Variants in TG observed in about 807,000 individuals in gnomAD.
TG encodes thyroid hormones.
A neutral mutation model predicts 324.7 loss-of-function variants in TG; 270 were observed. The observed-to-expected ratio is 0.83, with a 90% CI of 0.75 to 0.92. TG has a LOEUF of 0.92. TG is among the 40% of genes least tolerant of loss of function. The pLI is 0.00. For missense variants in TG, 3,591 were observed against 3,456.4 expected, an observed-to-expected ratio of 1.04 and a Z score of -0.98; for synonymous variants, 1,401 against 1,327.0, an observed-to-expected ratio of 1.06 and a Z score of -1.21.
In TG at chr8:132,901,507, A is replaced by C; in HGVS notation, c.3588A>C (p.Glu1196Asp). The C allele has an allele frequency of 6.2e-7, 1 of 1,614,024 alleles. No homozygotes were observed. Among genetic ancestry groups the C allele is most frequent in the Non-Finnish European group, 8.5e-7 (1 of 1,180,036 alleles). The change falls in exon 16 of 48, where the codon GAA (glutamate) becomes GAC (aspartate). Residue 1196 changes from glutamate to aspartate, a missense_variant. Coordinates refer to ENST00000220616, the MANE Select transcript of TG (RefSeq NM_003235.5). ...GSCWCVMDSGEEVPGTRVTGG... is the reference protein window; with the variant it reads ...GSCWCVMDSGDEVPGTRVTGG... ...GCTGGTGTGTCATGGACAGCGGAGA[A>C]GAGGTGCCTGGGACGCGCGTGACCG...
chr8:133,038,824 C>T (rs1837584633), intron 41 of TG: 2 of 809,704 alleles, frequency 2.5e-6, no homozygotes, highest in African/African-American at 1.7e-5. Flanking sequence ...AGAATGAGAA[C>T]AGGAGGAAAA....
Position 132,886,791 on chromosome 8 carries a change from A to C in TG, c.1419A>C (p.Gly473=). 6.2e-7 allele frequency: 1 copy of C among 1,614,144 alleles called. No homozygotes were observed. The change falls in exon 9 of 48, where the codon GGA becomes GGC. Residue 473 remains glycine, a synonymous_variant. Coordinates refer to ENST00000220616, the MANE Select transcript of TG (RefSeq NM_003235.5). ...AGAGACTCCAGCAAAACCTTTTTGGAGGGAAATTTTTGGTGAATGTTGGCC... is the reference window on the plus strand; with the variant it reads ...AGAGACTCCAGCAAAACCTTTTTGGCGGGAAATTTTTGGTGAATGTTGGCC... ...NPKRLQQNLF[G]GKFLVNVGQF... is the part of the protein sequence containing the mutation.
chr8:133,055,363 G>GCACACACACACACACACA (rs1219639810), intron 41 of TG, among the ~76,000 whole-genome samples: 1 of 31,986 alleles, frequency 3.1e-5, no homozygotes, highest in East Asian at 4.7e-4. Flanking sequence ...ACACGCACGC[G>GCACACACACACACACACA]CGCACACACA....
chr8:133,017,882 A>G lies in TG; in HGVS notation c.6667A>G (p.Lys2223Glu). Reference protein sequence around the residue: ...SQAIQVGTSWKQVDQFLGVPY... With the variant: ...SQAIQVGTSWEQVDQFLGVPY... Reference sequence around the variant, plus strand: ...GGCCATCCAGGTGGGTACCTCATGGAAGCAAGTGGACCAGTTCCTTGGAGT... The same window carrying G: ...GGCCATCCAGGTGGGTACCTCATGGGAGCAAGTGGACCAGTTCCTTGGAGT... The change falls in exon 38 of 48, where the codon AAG becomes GAG. Residue 2223 changes from lysine to glutamate, a missense_variant. By Grantham distance (56) the Lys-to-Glu change is moderately conservative. Coordinates refer to ENST00000220616, the MANE Select transcript of TG (RefSeq NM_003235.5). 6.2e-7 allele frequency: 1 copy of G among 1,614,148 alleles called. No homozygotes were observed. Among genetic ancestry groups the G allele is most frequent in the Non-Finnish European group, 8.5e-7 (1 of 1,180,022 alleles).
At chr8:133,004,384 G>T (rs749937529) in intron 35 of TG, among the ~76,000 whole-genome samples, 2 of 152,216 alleles carry the variant, frequency 1.3e-5, no homozygotes, top group South Asian at 2.1e-4. Flanking sequence ...CACAGTTCCT[G>T]TGTCCTGCTG....
intron 42 of TG, 106 bp downstream of exon 42, chr8:133,095,314 G>C: frequency 6.7e-7 from 1 of 1,492,116 alleles, no homozygotes; most frequent in East Asian, 2.3e-5. Flanking sequence ...TACCACACAT[G>C]AGGCTGATGA....
At chr8:132,918,753 G>T (rs1209912153) in intron 20 of TG, among the ~76,000 whole-genome samples, 2 of 152,188 alleles carry the variant, frequency 1.3e-5, no homozygotes, top group Admixed American at 6.5e-5. Flanking sequence ...CTTATATGGA[G>T]ATGATAACTT....
At position 132,967,821 on chromosome 8, in the gene TG, A is replaced by C; in HGVS notation, c.5714A>C (p.Gln1905Pro). The C allele has an allele frequency of 6.2e-7, 1 of 1,613,892 alleles. No homozygotes were observed. The highest frequency in any genetic ancestry group is 1.3e-5 in the African/African-American group (1 of 75,018). Residue 1905 changes from glutamine to proline, a missense_variant, in exon 31 of 48, where the codon CAG becomes CCG. Transcript: ENST00000220616. Reference sequence around the variant, plus strand: ...TGTGTGCAGGAGCACTCTTTCTGTCAGCTCGCAGAGATAACAGAGAGTGCA... The same window carrying C: ...TGTGTGCAGGAGCACTCTTTCTGTCCGCTCGCAGAGATAACAGAGAGTGCA... The part of the protein sequence containing the change: ...SRCVQEHSFC[Q>P]LAEITESASL...
intron 25 of TG, among the ~76,000 whole-genome samples, chr8:132,940,489 A>G (rs529936233): frequency 6.6e-6 from 1 of 152,358 alleles, no homozygotes; most frequent in South Asian, 2.1e-4. Context: ...CCAATGGAAA[A>G]AAACATTAAC....
At chr8:132,946,027 A>C (rs990811112) in intron 26 of TG, among the ~76,000 whole-genome samples, 2 of 125,036 alleles carry the variant, frequency 1.6e-5, no homozygotes, top group African/African-American at 3.3e-5. Flanking sequence ...TTTAGATAGG[A>C]AAAATATGTT....
Position 132,887,549 on chromosome 8 carries a change from G to C in TG, c.2176+1G>C, listed in dbSNP as rs1483148769. 3 of 1,614,200 alleles carry C rather than the reference G, an allele frequency of 1.9e-6. No homozygotes were observed. Among genetic ancestry groups the C allele is most frequent in the Non-Finnish European group, 1.7e-6 (2 of 1,180,044 alleles). ...AGTGCAATAGGGAAGCCCAAGAAATGTAAGTCTGTTGGGTATTCAATCTGT... is the reference window on the plus strand; with the variant it reads ...AGTGCAATAGGGAAGCCCAAGAAATCTAAGTCTGTTGGGTATTCAATCTGT... On this transcript the variant is annotated splice_donor_variant, in intron 9 of 47. Transcript: ENST00000220616. LOFTEE classifies it high-confidence loss of function.
At chr8:132,912,383 T>A (rs1029045283) in intron 19 of TG, among the ~76,000 whole-genome samples, 2 of 152,128 alleles carry the variant, frequency 1.3e-5, no homozygotes, top group African/African-American at 2.4e-5. Context: ...GCAGCGAGAC[T>A]GTGATTGGAG....
intron 27 of TG, among the ~76,000 whole-genome samples, chr8:132,955,902 A>G (rs1305760707): frequency 6.6e-6 from 1 of 152,234 alleles, no homozygotes; most frequent in African/African-American, 2.4e-5. Context: ...CTCTGTGCCC[A>G]GACCCTCAAG....
At chr8:133,097,361 G>A (rs1482637384) in intron 43 of TG, among the ~76,000 whole-genome samples, 2 of 152,128 alleles carry the variant, frequency 1.3e-5, no homozygotes, top group Non-Finnish European at 2.9e-5. Flanking sequence ...GCATTGCATT[G>A]TTTATTGATT....
At chr8:132,946,324 T>A (rs1825288373) in intron 26 of TG, among the ~76,000 whole-genome samples, 1 of 152,350 alleles carries the variant, frequency 6.6e-6, no homozygotes, top group South Asian at 2.1e-4. Flanking sequence ...TATTTCTGGC[T>A]GGCAGCTTGC....
At chr8:132,955,579 G>T (rs885195) in intron 27 of TG, among the ~76,000 whole-genome samples, 46,401 of 152,070 alleles carry the variant, frequency 0.31, 9,380 homozygotes, top group African/African-American at 0.57. Context: ...TGTTTTGAAT[G>T]CTATGAATCT....
intron 10 of TG, among the ~76,000 whole-genome samples, chr8:132,892,961 T>C (rs1240921977): frequency 6.8e-6 from 1 of 147,332 alleles, no homozygotes; most frequent in Non-Finnish European, 1.5e-5. Context: ...GTGTGTGTAC[T>C]GTGTGGTGTG....
At chr8:133,098,446 A>G (rs1848762495) in intron 43 of TG, among the ~76,000 whole-genome samples, 1 of 152,202 alleles carries the variant, frequency 6.6e-6, no homozygotes, top group African/African-American at 2.4e-5. Flanking sequence ...AGGCATGGGC[A>G]GACTGGGATG....
At chr8:133,127,107 C>G (rs1217859170) in intron 45 of TG, among the ~76,000 whole-genome samples, 1 of 152,166 alleles carries the variant, frequency 6.6e-6, no homozygotes, top group East Asian at 1.9e-4. Flanking sequence ...CTTCCCCATG[C>G]AAAACAGTGT....
Sources: allele counts gnomAD v4.1 joint callset (sites outside exome capture counted in the v4.1 genomes callset), GRCh38; gene constraint gnomAD v4.1.1; transcripts MANE v1.5; gene names NCBI Gene and HGNC (gene_info 2026-07-23, HGNC 2026-07-21).